ADM: variants seen among roughly 807,000 people sequenced by gnomAD.
The protein encoded by ADM is adrenomedullin.
Under a neutral mutation model 9.0 loss-of-function variants are expected in ADM, and 4 were observed. That is an observed-to-expected ratio of 0.44 (90% CI 0.22 to 1.02). The LOEUF (loss-of-function observed/expected upper bound fraction) is 1.02. Among genes scored for constraint, ADM ranks in the 50% least tolerant of loss-of-function variants. The pLI, the probability that ADM is intolerant of heterozygous loss-of-function variation, is 0.24. For synonymous variants in ADM, 107 were observed against 107.2 expected (o/e 1.00, Z 0.01); for missense variants, 253 against 254.1 (o/e 1.00, Z 0.03).
intron 3 of ADM, 69 bp from the exon 4 acceptor site, chr11:10,306,263 G>T (rs759638767): frequency 1.3e-6 from 2 of 1,569,134 alleles, no homozygotes; most frequent in South Asian, 2.3e-5. Flanking sequence ...TCCCGTTCCC[G>T]GTGTTGGGGC....
Position 10,306,925 on chromosome 11 carries a change from T to A in ADM, c.*284T>A. On this transcript the variant is annotated 3_prime_UTR_variant, in exon 4 of 4. Coordinates refer to ENST00000278175, the MANE Select transcript of ADM (RefSeq NM_001124.3). ...AGGAGAGGAGAAACTGAGAAATGAA[T>A]GCTGAGACCCCCGGAGCAGGGGTCT... The A allele has an allele frequency of 3.5e-5, 10 of 286,350 alleles. No homozygotes were observed. The highest frequency in any genetic ancestry group is 1.2e-4 in the East Asian group (2 of 16,176). The allele number at this position is 286,350 out of a possible 1,614,324, so 17.7% of individuals were successfully genotyped here.
chr11:10,306,311 T>TGGCGGG, intron 3 of ADM, 21 bp from the exon 4 acceptor site: 2 of 1,543,780 alleles, frequency 1.3e-6, no homozygotes, highest in Non-Finnish European at 1.8e-6. Flanking sequence ...TTGCCTTTCT[T>TGGCGGG]CCCCCTCCCC....
At position 10,306,779 on chromosome 11, in the gene ADM, G is replaced by C. The variant is rs1007529303; in HGVS notation, c.*138G>C. ...ACCCTGAGTCCGGGAGGCACCGTCC[G>C]GCGGCGAGCTCTGGCTTTGCAAGGG... On this transcript the variant is annotated 3_prime_UTR_variant, in exon 4 of 4. Coordinates refer to ENST00000278175, the MANE Select transcript of ADM (RefSeq NM_001124.3). The C allele has an allele frequency of 1.2e-6, 1 of 863,678 alleles. No homozygotes were observed. Among genetic ancestry groups the C allele is most frequent in the Non-Finnish European group, 1.7e-6 (1 of 597,772 alleles). 53.5% of individuals were successfully genotyped at this position (863,678 alleles called of 1,614,324 possible).
In ADM at chr11:10,307,215, C is replaced by T. The variant is rs1007474908; in HGVS notation, c.*574C>T. ...TATATTGTCCTCCCCTATTTTAAGA[C>T]GTGAATGTCTCAGCGAGGTGTAAAG... On this transcript the variant is annotated 3_prime_UTR_variant, in exon 4 of 4. Transcript: ENST00000278175. The surrounding 1 kb of genome is among the most constrained non-coding windows in gnomAD (Gnocchi z 4.5). The T allele has an allele frequency of 6.6e-6, 1 of 152,464 alleles. No individual in the cohort carries two copies. Among genetic ancestry groups the T allele is most frequent in the Non-Finnish European group, 1.5e-5 (1 of 68,026 alleles). The allele number at this position is 152,464 out of a possible 1,614,324, so 9.4% of individuals were successfully genotyped here.
chr11:10,306,696 C>T lies in ADM; in HGVS notation c.*55C>T. 3.4e-6 allele frequency: 5 copies of T among 1,480,682 alleles called. No individual in the cohort carries two copies. In the South Asian group the frequency reaches 4.3e-5, roughly 13 times the overall value. 91.7% of individuals were successfully genotyped at this position (1,480,682 alleles called of 1,614,324 possible). On this transcript the variant is annotated 3_prime_UTR_variant, in exon 4 of 4. Transcript: ENST00000278175. The stretch of plus-strand genomic sequence containing the variant: ...TCGCGCAAGCATCCCGCTGGTGCCT[C>T]CCGGGACGAAGGACTTCCCGAGCGG...
rs1964651989 is a variant in ADM, at chr11:10,306,047, C to A, written c.197C>A (p.Thr66Asn). The change falls in exon 3 of 4, where the codon ACC becomes AAC. Residue 66 changes from threonine to asparagine, a missense_variant. Physicochemically the swap from Thr to Asn is moderately conservative, Grantham distance 65. Transcript: ENST00000278175. ...GACGTGAAGGCCGGGCCTGCCCAGA[C>A]CCTTATTCGGCCCCAGGACATGAAG... ...LADVKAGPAQ[T>N]LIRPQDMKGA... 6.2e-7 allele frequency: 1 copy of A among 1,614,076 alleles called. No homozygotes were observed. Among genetic ancestry groups the A allele is most frequent in the Non-Finnish European group, 8.5e-7 (1 of 1,180,006 alleles).
Position 10,306,692 on chromosome 11 carries a change from G to T in ADM, c.*51G>T. On this transcript the variant is annotated 3_prime_UTR_variant, in exon 4 of 4. Coordinates refer to ENST00000278175, the MANE Select transcript of ADM (RefSeq NM_001124.3). ...ATAGTCGCGCAAGCATCCCGCTGGTGCCTCCCGGGACGAAGGACTTCCCGA... is the reference window on the plus strand; with the variant it reads ...ATAGTCGCGCAAGCATCCCGCTGGTTCCTCCCGGGACGAAGGACTTCCCGA... The T allele has an allele frequency of 6.7e-7, 1 of 1,485,592 alleles. No homozygotes were observed. Among genetic ancestry groups the T allele is most frequent in the Non-Finnish European group, 9.0e-7 (1 of 1,114,934 alleles). 92.0% of individuals were successfully genotyped at this position (1,485,592 alleles called of 1,614,324 possible).
chr11:10,307,151 G>A lies in ADM; in HGVS notation c.*510G>A, dbSNP rs1964670554. 6.5e-6 allele frequency: 1 copy of A among 152,850 alleles called. No homozygotes were observed. The highest frequency in any genetic ancestry group is 2.0e-4 in the South Asian group (1 of 4,898). The allele number at this position is 152,850 out of a possible 1,614,324, so 9.5% of individuals were successfully genotyped here. A position where few individuals can be genotyped will look rare whatever the true frequency, so the allele number is the denominator to read the frequency against. Reference sequence around the variant, plus strand: ...TAACTTCAAATATAGAGATATTTTTGTACGTTATATATTGTATTAAGGGCA... The same window carrying A: ...TAACTTCAAATATAGAGATATTTTTATACGTTATATATTGTATTAAGGGCA... On this transcript the variant is annotated 3_prime_UTR_variant, in exon 4 of 4. Transcript: ENST00000278175. This position sits in a 1 kb window ranked among gnomAD's most constrained non-coding sequence, Gnocchi z 4.5.
At chr11:10,305,478 G>A in intron 1 of ADM, 1 of 569,504 alleles carries the variant, frequency 1.8e-6, no homozygotes, top group Non-Finnish European at 3.1e-6. Context: ...GGGGTGCAGC[G>A]GCCTCCCCTG....
chr11:10,306,209 A>G (rs1964654252), intron 3 of ADM, 111 bp downstream of exon 3: 3 of 1,536,244 alleles, frequency 2.0e-6, no homozygotes, highest in South Asian at 2.4e-5. Flanking sequence ...ACCGCAGCTC[A>G]GATGGCGCGA....
At position 10,306,022 on chromosome 11, in the gene ADM, G is replaced by A; in HGVS notation, c.172G>A (p.Asp58Asn). The A allele has an allele frequency of 1.9e-6, 3 of 1,614,106 alleles. No individual in the cohort carries two copies. The highest frequency in any genetic ancestry group is 2.5e-6 in the Non-Finnish European group (3 of 1,180,028). The change falls in exon 3 of 4, where the codon GAC (aspartate) becomes AAC (asparagine). Residue 58 changes from aspartate to asparagine, a missense_variant. Asp to Asn is a conservative substitution (Grantham distance 23). Transcript: ENST00000278175. ...CAGCAGCTACCCCACCGGGCTCGCTGACGTGAAGGCCGGGCCTGCCCAGAC... is the reference window on the plus strand; with the variant it reads ...CAGCAGCTACCCCACCGGGCTCGCTAACGTGAAGGCCGGGCCTGCCCAGAC... ...MSSSYPTGLA[D>N]VKAGPAQTLI...
chr11:10,306,289 T>C, intron 3 of ADM, 43 bp from the exon 4 acceptor site: 2 of 1,598,716 alleles, frequency 1.3e-6, no homozygotes, highest in South Asian at 1.1e-5. Context: ...CTCTGCTTGA[T>C]GGGGTCTCAA....
intron 3 of ADM, 57 bp downstream of exon 3, chr11:10,306,155 T>C: frequency 6.3e-7 from 1 of 1,592,022 alleles, no homozygotes; most frequent in South Asian, 1.1e-5. Context: ...GCGGGAGGAG[T>C]TCTCTGTCTC....
Position 10,306,794 on chromosome 11 carries a change from C to A in ADM, c.*153C>A. ...GGCACCGTCCGGCGGCGAGCTCTGGCTTTGCAAGGGCCCCTCCTTCTGGGG... is the reference window on the plus strand; with the variant it reads ...GGCACCGTCCGGCGGCGAGCTCTGGATTTGCAAGGGCCCCTCCTTCTGGGG... On this transcript the variant is annotated 3_prime_UTR_variant, in exon 4 of 4. Coordinates refer to ENST00000278175, the MANE Select transcript of ADM (RefSeq NM_001124.3). The A allele has an allele frequency of 7.1e-6, 5 of 708,566 alleles. No homozygotes were observed. The highest frequency in any genetic ancestry group is 2.8e-5 in the South Asian group (1 of 35,740). 43.9% of individuals were successfully genotyped at this position (708,566 alleles called of 1,614,324 possible).
rs367972567 is a variant in ADM at position 10,306,431 on chromosome 11, G to C, written c.348G>C (p.Thr116=). ...TTGGCTGCCGCTTCGGGACGTGCAC[G>C]GTGCAGAAGCTGGCACACCAGATCT... ...RSFGCRFGTC[T]VQKLAHQIYQ... The change falls in exon 4 of 4, where the codon ACG becomes ACC. Residue 116 remains threonine, a synonymous_variant. Coordinates refer to ENST00000278175, the MANE Select transcript of ADM (RefSeq NM_001124.3). 2.8e-5 allele frequency: 45 copies of C among 1,612,592 alleles called. No homozygotes were observed. The African/African-American group carries it at 5.0e-4, about 18-fold the overall frequency.
chr11:10,307,373 A>G lies in ADM; in HGVS notation c.*732A>G, dbSNP rs1356304808. 3 of 152,682 alleles carry G rather than the reference A, an allele frequency of 2.0e-5. No homozygotes were observed. The highest frequency in any genetic ancestry group is 7.2e-5 in the African/African-American group (3 of 41,472). 9.5% of individuals were successfully genotyped at this position (152,682 alleles called of 1,614,324 possible). On this transcript the variant is annotated 3_prime_UTR_variant, in exon 4 of 4. Transcript: ENST00000278175. This position sits in a 1 kb window ranked among gnomAD's most constrained non-coding sequence, Gnocchi z 4.5. ...TAAAATGGGTGATATGCGAACAGCA[A>G]ACCAATAAACTGTCTCAATGCTGAT...
chr11:10,305,668 C>A lies in ADM; in HGVS notation c.-21-12C>A, dbSNP rs772454023. 1.2e-6 allele frequency: 2 copies of A among 1,608,024 alleles called. No individual in the cohort carries two copies. Among genetic ancestry groups the A allele is most frequent in the Non-Finnish European group, 1.7e-6 (2 of 1,176,734 alleles). ...CGGGTGCTCACGCTCGACTCTCTTT[C>A]TTCTTTTCCAGGGTCTGCGCTTCGC... On this transcript the variant is annotated splice_polypyrimidine_tract_variant and intron_variant, in intron 1 of 3. Coordinates refer to ENST00000278175, the MANE Select transcript of ADM (RefSeq NM_001124.3).
chr11:10,306,477 AAGGACAAC>A lies in ADM; in HGVS notation c.395_402del (p.Lys132SerfsTer33), dbSNP rs771983072. On this transcript the variant is annotated frameshift_variant, in exon 4 of 4. Transcript: ENST00000278175. LOFTEE classifies it low-confidence loss of function (END_TRUNC). Reference sequence around the variant, plus strand: ...GATCTACCAGTTCACAGATAAGGACAAGGACAACGTCGCCCCCAGGAGCAAGATCAGCC... The same window carrying A: ...GATCTACCAGTTCACAGATAAGGACAGTCGCCCCCAGGAGCAAGATCAGCC... 6.2e-7 allele frequency: 1 copy of A among 1,611,886 alleles called. No homozygotes were observed. Among genetic ancestry groups the A allele is most frequent in the Admixed American group, 1.7e-5 (1 of 59,934 alleles).
At position 10,305,996 on chromosome 11, in the gene ADM, C is replaced by G. The variant is rs1258470392; in HGVS notation, c.146C>G (p.Ser49Cys). The G allele has an allele frequency of 1.2e-6, 2 of 1,613,894 alleles. No individual in the cohort carries two copies. The highest frequency in any genetic ancestry group is 1.7e-6 in the Non-Finnish European group (2 of 1,180,042). ...LSRGKRELRM[S>C]SSYPTGLADV... ...CGTGGGAAGAGGGAACTGCGGATGTCCAGCAGCTACCCCACCGGGCTCGCT... is the reference window on the plus strand; with the variant it reads ...CGTGGGAAGAGGGAACTGCGGATGTGCAGCAGCTACCCCACCGGGCTCGCT... The change falls in exon 3 of 4, where the codon TCC (serine) becomes TGC (cysteine). Residue 49 changes from serine to cysteine, a missense_variant. Ser to Cys is a moderately radical substitution (Grantham distance 112). Transcript: ENST00000278175.
Sources: allele counts gnomAD v4.1 joint callset, GRCh38; gene constraint gnomAD v4.1.1; non-coding constraint Gnocchi (gnomAD v3.1); transcripts MANE v1.5; gene names NCBI Gene and HGNC (gene_info 2026-07-23, HGNC 2026-07-21).